Variants in RPL37 observed in about 807,000 individuals in gnomAD.
The protein encoded by RPL37 is ribosomal protein L37.
Under a neutral mutation model 14.8 loss-of-function variants are expected in RPL37, and 1 was observed. The ratio of observed to expected loss-of-function variants is 0.07; its 90% CI spans 0.02 to 0.32. The LOEUF (loss-of-function observed/expected upper bound fraction) is 0.32, where lower values mean the gene tolerates loss of function less well. RPL37 is among the 10% of genes least tolerant of loss of function. The pLI is 1.00. For missense variants in RPL37, 100 were observed against 128.3 expected (o/e 0.78, Z 1.06); for synonymous variants, 53 against 45.8 (o/e 1.16, Z -0.63).
chr5:40,834,253 G>C lies in RPL37; in HGVS notation c.152C>G (p.Ala51Gly). The change falls in exon 3 of 4, where the codon GCC (alanine) becomes GGC (glycine). Residue 51 changes from alanine (A) to glycine (G), a missense_variant. By Grantham distance (60) the Ala-to-Gly change is moderately conservative. Around this residue, in one of 2 missense-constraint regions of RPL37, gnomAD observed 74 missense variants for 69.9 expected, o/e 1.06. Coordinates refer to ENST00000274242, the MANE Select transcript of RPL37 (RefSeq NM_000997.5). Reference sequence around the variant, plus strand: ...GGTGGTATTTCGTCTTTTAGCCTTGGCACTCCAGTTATCTAAAACATAAGT... The same window carrying C: ...GGTGGTATTTCGTCTTTTAGCCTTGCCACTCCAGTTATCTAAAACATAAGT... Reference protein sequence around the residue: ...AKRKRKYNWSAKAKRRNTTGT... With the variant: ...AKRKRKYNWSGKAKRRNTTGT... 6.2e-7 allele frequency: 1 copy of C among 1,613,814 alleles called. No individual in the cohort carries two copies. Among genetic ancestry groups the C allele is most frequent in the East Asian group, 2.2e-5 (1 of 44,882 alleles).
Position 40,829,434 on chromosome 5 carries a change from T to C in RPL37, c.*3070A>G, listed in dbSNP as rs547712592. 2 of 152,278 alleles carry C rather than the reference T, an allele frequency of 1.3e-5. No individual in the cohort carries two copies. Among genetic ancestry groups the C allele is most frequent in the South Asian group, 4.1e-4 (2 of 4,830 alleles). The allele number at this position is 152,278 out of a possible 1,614,324, so 9.4% of individuals were successfully genotyped here. ...CTTTTCTTACCAACCCTACACCCCA[T>C]CCTTCTAACCTGACAACCAAGGTGT... On this transcript the variant is annotated 3_prime_UTR_variant, in exon 4 of 4. Transcript: ENST00000274242.
intron 1 of RPL37, 135 bp downstream of exon 1, chr5:40,835,048 G>T: frequency 8.3e-7 from 1 of 1,211,000 alleles, no homozygotes; most frequent in Non-Finnish European, 1.2e-6. Flanking sequence ...TGGCTCTTGA[G>T]GGCCACCGCA....
In RPL37 at chr5:40,834,458, A is replaced by T. The variant is rs1293045169; in HGVS notation, c.139+13T>A. On this transcript the variant is annotated intron_variant, in intron 2 of 3. Coordinates refer to ENST00000274242, the MANE Select transcript of RPL37 (RefSeq NM_000997.5). Reference sequence around the variant, plus strand: ...CAAAAGCTAACACAGTTGGCCTGAAAAATGTTACTTACACTTTCTCTTGCG... The same window carrying T: ...CAAAAGCTAACACAGTTGGCCTGAATAATGTTACTTACACTTTCTCTTGCG... 4.4e-6 allele frequency: 7 copies of T among 1,609,034 alleles called. No individual in the cohort carries two copies. In the African/African-American group the frequency reaches 9.4e-5, roughly 22 times the overall value.
At position 40,828,289 on chromosome 5, in the gene RPL37, A is replaced by G. The variant is rs572201498; in HGVS notation, c.*4215T>C. On this transcript the variant is annotated 3_prime_UTR_variant, in exon 4 of 4. Coordinates refer to ENST00000274242, the MANE Select transcript of RPL37 (RefSeq NM_000997.5). Reference sequence around the variant, plus strand: ...GGTATCCTTGTCTTACACACTTATCACTATCTGCAATTGTCTATTATGTCA... The same window carrying G: ...GGTATCCTTGTCTTACACACTTATCGCTATCTGCAATTGTCTATTATGTCA... The G allele has an allele frequency of 2.0e-5, 3 of 152,286 alleles. No homozygotes were observed. The highest frequency in any genetic ancestry group is 1.9e-4 in the East Asian group (1 of 5,178). The allele number at this position is 152,286 out of a possible 1,614,324, so 9.4% of individuals were successfully genotyped here.
At position 40,832,391 on chromosome 5, in the gene RPL37, C is replaced by G; in HGVS notation, c.*113G>C. 1.1e-6 allele frequency: 1 copy of G among 904,048 alleles called. No homozygotes were observed. The highest frequency in any genetic ancestry group is 1.9e-6 in the Non-Finnish European group (1 of 538,002). The allele number at this position is 904,048 out of a possible 1,614,324, so 56.0% of individuals were successfully genotyped here. ...ATATGAAGCTAGCCCAGTCCCTAAACCTACAGTATTTCACTGATACTACAA... is the reference window on the plus strand; with the variant it reads ...ATATGAAGCTAGCCCAGTCCCTAAAGCTACAGTATTTCACTGATACTACAA... On this transcript the variant is annotated 3_prime_UTR_variant, in exon 4 of 4. Coordinates refer to ENST00000274242, the MANE Select transcript of RPL37 (RefSeq NM_000997.5).
At position 40,826,961 on chromosome 5, in the gene RPL37, TGGA is replaced by T. The variant is rs1745531182; in HGVS notation, c.*5540_*5542del. 1 of 152,354 alleles carries T rather than the reference TGGA, an allele frequency of 6.6e-6. No individual in the cohort carries two copies. The highest frequency in any genetic ancestry group is 2.1e-4 in the South Asian group (1 of 4,816). 9.4% of individuals were successfully genotyped at this position (152,354 alleles called of 1,614,324 possible). A position where few individuals can be genotyped will look rare whatever the true frequency, so the allele number is the denominator to read the frequency against. The stretch of plus-strand genomic sequence containing the variant: ...CCTGGCTAATTTTTTGTATTTTTAA[TGGA>T]GAAGAGGTTTCACCAGGTTGCCCAG... On this transcript the variant is annotated 3_prime_UTR_variant, in exon 4 of 4. Coordinates refer to ENST00000274242, the MANE Select transcript of RPL37 (RefSeq NM_000997.5).
Position 40,832,495 on chromosome 5 carries a change from T to C in RPL37, c.*9A>G, listed in dbSNP as rs771002352. The C allele has an allele frequency of 4.3e-6, 7 of 1,610,766 alleles. No homozygotes were observed. The East Asian group carries it at 8.9e-5, about 21-fold the overall frequency. ...AGAACATTTATTGCATGACTAATCG[T>C]TGACATTCTTAAGATGAACTGGATG... is the stretch of plus-strand genomic sequence containing the variant. On this transcript the variant is annotated 3_prime_UTR_variant, in exon 4 of 4. Coordinates refer to ENST00000274242, the MANE Select transcript of RPL37 (RefSeq NM_000997.5).
chr5:40,833,884 T>C (rs1561208850), intron 3 of RPL37: 3 of 332,996 alleles, frequency 9.0e-6, no homozygotes, highest in African/African-American at 6.5e-5. Context: ...TTCTCTACAA[T>C]AAATACAAAA....
Position 40,832,106 on chromosome 5 carries a change from T to A in RPL37, c.*398A>T, listed in dbSNP as rs905966514. On this transcript the variant is annotated 3_prime_UTR_variant, in exon 4 of 4. Coordinates refer to ENST00000274242, the MANE Select transcript of RPL37 (RefSeq NM_000997.5). ...CCAAGCTCTATGTGACTAATAATCA[T>A]CCCCCTAGTCATGACAGCATAGCAG... 1 of 205,674 alleles carries A rather than the reference T, an allele frequency of 4.9e-6. No individual in the cohort carries two copies. Among genetic ancestry groups the A allele is most frequent in the Non-Finnish European group, 1.0e-5 (1 of 97,132 alleles). The allele number at this position is 205,674 out of a possible 1,614,324, so 12.7% of individuals were successfully genotyped here.
Position 40,834,272 on chromosome 5 carries a change from C to T in RPL37, c.140-7G>A. 6.2e-7 allele frequency: 1 copy of T among 1,613,448 alleles called. No homozygotes were observed. The highest frequency in any genetic ancestry group is 8.5e-7 in the Non-Finnish European group (1 of 1,179,406). On this transcript the variant is annotated splice_polypyrimidine_tract_variant and splice_region_variant and intron_variant, in intron 2 of 3. Transcript: ENST00000274242. ...GCCTTGGCACTCCAGTTATCTAAAACATAAGTTCAGAAAAGATTTCAAACG... is the reference window on the plus strand; with the variant it reads ...GCCTTGGCACTCCAGTTATCTAAAATATAAGTTCAGAAAAGATTTCAAACG...
chr5:40,826,829 G>C lies in RPL37; in HGVS notation c.*5675C>G, dbSNP rs1001499520. On this transcript the variant is annotated 3_prime_UTR_variant, in exon 4 of 4. Transcript: ENST00000274242. ...CAGGGTCTTTGTCATCCAGGCTGGA[G>C]TGCAGTGGCACAATCAAGGTTCACT... 1.3e-5 allele frequency: 2 copies of C among 152,344 alleles called. No homozygotes were observed. Among genetic ancestry groups the C allele is most frequent in the African/African-American group, 4.8e-5 (2 of 41,452 alleles). 9.4% of individuals were successfully genotyped at this position (152,344 alleles called of 1,614,324 possible).
chr5:40,834,028 T>C (rs188239353), intron 3 of RPL37, 153 bp downstream of exon 3: 320 of 633,808 alleles, frequency 5.0e-4, no homozygotes, highest in Non-Finnish European at 7.0e-4. Context: ...CTGGGCAACA[T>C]AGTGAAACCC....
Position 40,829,644 on chromosome 5 carries a change from T to A in RPL37, c.*2860A>T, listed in dbSNP as rs1402328791. On this transcript the variant is annotated 3_prime_UTR_variant, in exon 4 of 4. Transcript: ENST00000274242. ...TTTCCAATGCTCTCACAGAAACTCA[T>A]GCATTTATCCATCATAGTGTGTGTG... 3 of 150,406 alleles carry A rather than the reference T, an allele frequency of 2.0e-5. No homozygotes were observed. In the Admixed American group the frequency reaches 2.0e-4, roughly 10 times the overall value. The allele number at this position is 150,406 out of a possible 1,614,324, so 9.3% of individuals were successfully genotyped here.
Position 40,828,009 on chromosome 5 carries a change from A to G in RPL37, c.*4495T>C, listed in dbSNP as rs1288401222. 6.6e-6 allele frequency: 1 copy of G among 152,256 alleles called. No homozygotes were observed. Among genetic ancestry groups the G allele is most frequent in the Non-Finnish European group, 1.5e-5 (1 of 68,044 alleles). 9.4% of individuals were successfully genotyped at this position (152,256 alleles called of 1,614,324 possible). On this transcript the variant is annotated 3_prime_UTR_variant, in exon 4 of 4. Coordinates refer to ENST00000274242, the MANE Select transcript of RPL37 (RefSeq NM_000997.5). ...TAATCCAAATGTGCTAATAAATGTG[A>G]AACAGCCTCTTTCTCTGAAACAAGT... is the stretch of plus-strand genomic sequence containing the variant.
chr5:40,832,734 CTGAAATTCT>C (rs1745670347), intron 3 of RPL37, 161 bp from the exon 4 acceptor site: 2 of 755,566 alleles, frequency 2.6e-6, no homozygotes, highest in Admixed American at 3.5e-5. Context: ...CACTGATAAG[CTGAAATTCT>C]TCACTTTGCT....
In RPL37 at chr5:40,831,388, C is replaced by G; in HGVS notation, c.*1116G>C. 6.6e-6 allele frequency: 1 copy of G among 152,438 alleles called. No individual in the cohort carries two copies. The highest frequency in any genetic ancestry group is 1.5e-5 in the Non-Finnish European group (1 of 68,030). 9.4% of individuals were successfully genotyped at this position (152,438 alleles called of 1,614,324 possible). Reference sequence around the variant, plus strand: ...TTCTTTATAAGTGAATGTTCTGAAGCTGAGACCTGAAGGGTAAATTAGGAG... The same window carrying G: ...TTCTTTATAAGTGAATGTTCTGAAGGTGAGACCTGAAGGGTAAATTAGGAG... On this transcript the variant is annotated 3_prime_UTR_variant, in exon 4 of 4. Coordinates refer to ENST00000274242, the MANE Select transcript of RPL37 (RefSeq NM_000997.5).
chr5:40,834,692 T>C (rs1323498850), intron 1 of RPL37, 86 bp from the exon 2 acceptor site: 6 of 1,443,444 alleles, frequency 4.2e-6, no homozygotes, highest in Admixed American at 2.3e-5. Flanking sequence ...ACTGATAAAA[T>C]TTAAAGGCAA....
In RPL37 at chr5:40,828,929, C is replaced by T. The variant is rs1239639646; in HGVS notation, c.*3575G>A. ...CACTTCTGTCTCCAATGGACATCTC[C>T]CCAAATCTTACTTTGAGACTCTAAA... is the stretch of plus-strand genomic sequence containing the variant. On this transcript the variant is annotated 3_prime_UTR_variant, in exon 4 of 4. Transcript: ENST00000274242. 2 of 152,214 alleles carry T rather than the reference C, an allele frequency of 1.3e-5. No individual in the cohort carries two copies. Among genetic ancestry groups the T allele is most frequent in the African/African-American group, 4.8e-5 (2 of 41,458 alleles). The allele number at this position is 152,214 out of a possible 1,614,324, so 9.4% of individuals were successfully genotyped here.
At position 40,834,164 on chromosome 5, in the gene RPL37, G is replaced by A. The variant is rs760736627; in HGVS notation, c.224+17C>T. ...CAAGCCCACTGGACCAATTATGATC[G>A]AACATACAAACTGTACCTGAATCTG... On this transcript the variant is annotated intron_variant, in intron 3 of 3. Coordinates refer to ENST00000274242, the MANE Select transcript of RPL37 (RefSeq NM_000997.5). 4.2e-5 allele frequency: 67 copies of A among 1,582,600 alleles called. No individual in the cohort carries two copies. The highest frequency in any genetic ancestry group is 5.5e-5 in the Non-Finnish European group (63 of 1,151,614).
Sources: gnomAD v4.1 joint callset for allele counts on GRCh38, gnomAD v4.1.1 for gene constraint, gnomAD v4.1.1 regional missense constraint, MANE v1.5 for transcripts, NCBI Gene and HGNC (gene_info 2026-07-23, HGNC 2026-07-21) for gene names.